Variants in CASZ1 observed in about 807,000 individuals in gnomAD.
CASZ1 encodes the protein castor zinc finger 1, also known as zinc finger protein castor homolog 1.
In CASZ1, 28 loss-of-function variants were observed where a neutral mutation model predicts 135.2. The observed-to-expected ratio is 0.21, with a 90% CI of 0.15 to 0.28. The LOEUF is 0.28. Ranked by LOEUF, CASZ1 falls within the 10% of genes least tolerant of loss-of-function variation. The pLI is 1.00. For synonymous variants in CASZ1, 1,068 were observed against 1,073.4 expected, an observed-to-expected ratio of 0.99 and a Z score of 0.10; for missense variants, 2,161 against 2,453.3, an observed-to-expected ratio of 0.88 and a Z score of 2.52.
intron 2 of CASZ1, among the ~76,000 whole-genome samples, chr1:10,734,512 T>C (rs953358896): frequency 6.6e-6 from 1 of 152,114 alleles, no homozygotes; most frequent in African/African-American, 2.4e-5. Flanking sequence ...CTAGGGCATG[T>C]GGATTAGCTC....
At chr1:10,728,680 C>A (rs953537390) in intron 2 of CASZ1, among the ~76,000 whole-genome samples, 1 of 151,922 alleles carries the variant, frequency 6.6e-6, no homozygotes, top group African/African-American at 2.4e-5. Context: ...GCCATGGAGA[C>A]CCCGGCTTGA....
At chr1:10,736,210 G>A (rs1447044754) in intron 2 of CASZ1, among the ~76,000 whole-genome samples, 1 of 152,184 alleles carries the variant, frequency 6.6e-6, no homozygotes, top group Non-Finnish European at 1.5e-5. Context: ...TCACCAGAAT[G>A]CCCAACTGAT....
chr1:10,664,963 T>G, intron 5 of CASZ1, 120 bp downstream of exon 5: 1 of 1,179,066 alleles, frequency 8.5e-7, no homozygotes, highest in Non-Finnish European at 1.1e-6. Context: ...CTGGGTGGGA[T>G]GAGGGGCCGG....
chr1:10,637,879 A>C lies in CASZ1; in HGVS notation c.*1063T>G, dbSNP rs1463563575. ...TCACCAAGAGAGAACTCAAATGTTA[A>C]ATTAACTACAAACTTGGATCAACAG... On this transcript the variant is annotated 3_prime_UTR_variant, in exon 21 of 21. Transcript: ENST00000377022. The C allele has an allele frequency of 6.6e-6, 1 of 152,388 alleles. No homozygotes were observed. Among genetic ancestry groups the C allele is most frequent in the Non-Finnish European group, 1.5e-5 (1 of 68,030 alleles). The allele number at this position is 152,388 out of a possible 1,614,324, so 9.4% of individuals were successfully genotyped here.
rs973798177 is a variant in CASZ1, at chr1:10,706,452, C to A, written c.-76-908G>T. On this transcript the variant is annotated intron_variant, in intron 2 of 20. Transcript: ENST00000377022. This position sits in a 1 kb window ranked among gnomAD's most constrained non-coding sequence, Gnocchi z 4.3. ...CTGTCTGTTACGTTTTCTTCTCCCC[C>A]TCCCTCATTTGTGGCTTATCAATGA... 6.6e-6 allele frequency among the ~76,000 whole-genome samples: 1 copy of A among 152,190 alleles called. No homozygotes were observed. The highest frequency in any genetic ancestry group is 1.5e-5 in the Non-Finnish European group (1 of 68,026).
Position 10,675,887 on chromosome 1 carries a change from G to GGAGCTGGCCTGGCAGGCCGGTCCGGGCCA in CASZ1, c.17-10345_17-10317dup, listed in dbSNP as rs1189209728. Among the ~76,000 whole-genome samples the GGAGCTGGCCTGGCAGGCCGGTCCGGGCCA allele has an allele frequency of 3.3e-5, 5 of 151,446 alleles. 1 individual carries two copies. Among genetic ancestry groups the GGAGCTGGCCTGGCAGGCCGGTCCGGGCCA allele is most frequent in the Admixed American group, 2.6e-4 (4 of 15,226 alleles). ...AGTCCTCTTTCCCCAAGGTTTGCAG[G>GGAGCTGGCCTGGCAGGCCGGTCCGGGCCA]GAGCTGGCCTGGCAGGCCGGTCCGG... On this transcript the variant is annotated intron_variant, in intron 4 of 20. Coordinates refer to ENST00000377022, the MANE Select transcript of CASZ1 (RefSeq NM_001079843.3).
chr1:10,670,535 A>G (rs960255260), intron 4 of CASZ1, among the ~76,000 whole-genome samples: 3 of 151,838 alleles, frequency 2.0e-5, no homozygotes, highest in African/African-American at 7.3e-5. Context: ...CCTTTCAACA[A>G]CCTCTCTCTT....
At chr1:10,698,388 G>A (rs935082957) in intron 3 of CASZ1, among the ~76,000 whole-genome samples, 3 of 152,070 alleles carry the variant, frequency 2.0e-5, no homozygotes, top group Admixed American at 6.5e-5. Flanking sequence ...CATAAATACC[G>A]ATGCCAGGGG....
chr1:10,665,391 C>T lies in CASZ1; in HGVS notation c.197G>A (p.Arg66His), dbSNP rs200517916. 7.5e-5 allele frequency: 121 copies of T among 1,612,642 alleles called. No individual in the cohort carries two copies. In the African/African-American group the frequency reaches 1.1e-3, roughly 15 times the overall value. The change falls in exon 5 of 21, where the codon CGC becomes CAC. Residue 66 changes from arginine to histidine, a missense_variant. This residue lies in a region of CASZ1 where 590 missense variants were observed against 609.8 expected (regional missense o/e 0.97). Transcript: ENST00000377022. ...GSPSQPRDQE[R>H]SGPESGAARA... ...GGCTGCCCCAGACTCAGGGCCACTG[C>T]GCTCTTGGTCCCGGGGCTGCGATGG...
At chr1:10,710,475 C>G (rs140049586) in intron 2 of CASZ1, among the ~76,000 whole-genome samples, 30 of 152,286 alleles carry the variant, frequency 2.0e-4, no homozygotes, top group African/African-American at 7.2e-4. Context: ...AGGAAGGGTC[C>G]AAGTTGGTGG....
Position 10,643,174 on chromosome 1 carries a change from C to T in CASZ1, c.4006G>A (p.Val1336Met), listed in dbSNP as rs201463465. 33 of 1,611,406 alleles carry T rather than the reference C, an allele frequency of 2.0e-5. No individual in the cohort carries two copies. In the Middle Eastern group the frequency reaches 8.2e-4, roughly 40 times the overall value. ...RRMLGKNFDR[V>M]PPSQGPPGLM... ...GGGGCTCTCACCTGGGAGGGGGGCA[C>T]GCGGTCGAAGTTCTTCCCCAGCATC... is the stretch of plus-strand genomic sequence containing the variant. The change falls in exon 19 of 21, where the codon GTG becomes ATG. Residue 1336 changes from valine (V) to methionine (M), a missense_variant. Physicochemically the swap from Val to Met is conservative, Grantham distance 21. This residue lies in a region of CASZ1 where 349 missense variants were observed against 460.8 expected (regional missense o/e 0.76). Coordinates refer to ENST00000377022, the MANE Select transcript of CASZ1 (RefSeq NM_001079843.3).
chr1:10,682,588 G>A (rs912588665), intron 4 of CASZ1, among the ~76,000 whole-genome samples: 3 of 152,188 alleles, frequency 2.0e-5, no homozygotes, highest in South Asian at 2.1e-4. Context: ...TGGCTTTGCC[G>A]GGACTGAGAA....
chr1:10,744,875 C>T (rs544194382), intron 2 of CASZ1, among the ~76,000 whole-genome samples: 4 of 152,290 alleles, frequency 2.6e-5, no homozygotes, highest in Admixed American at 1.3e-4. Flanking sequence ...ACAGGCACCC[C>T]GGTACACGGT....
intron 1 of CASZ1, among the ~76,000 whole-genome samples, chr1:10,772,703 A>G (rs1382393535): frequency 5.3e-5 from 8 of 152,124 alleles, no homozygotes; most frequent in African/African-American, 1.9e-4. Flanking sequence ...GCTCCTCCCT[A>G]AAGCTGTCAT....
rs141103488 is a variant in CASZ1 at position 10,756,018 on chromosome 1, A to C, written c.-77+4683T>G. ...AAGCAGAAAAACCTCCCACGCGTGCACAGATGCACACGCCTCCCACCCGGA... is the reference window on the plus strand; with the variant it reads ...AAGCAGAAAAACCTCCCACGCGTGCCCAGATGCACACGCCTCCCACCCGGA... On this transcript the variant is annotated intron_variant, in intron 2 of 20. Transcript: ENST00000377022. The surrounding 1 kb of genome is among the most constrained non-coding windows in gnomAD (Gnocchi z 5.9). Among the ~76,000 whole-genome samples, 1,136 of 152,156 alleles carry C rather than the reference A, an allele frequency of 7.5e-3. 14 individuals are homozygous for C. The highest frequency in any genetic ancestry group is 0.024 in the African/African-American group (1,007 of 41,522).
At chr1:10,660,906 C>G (rs1346340338) in intron 5 of CASZ1, 1 of 253,762 alleles carries the variant, frequency 3.9e-6, no homozygotes, top group African/African-American at 2.3e-5. Context: ...AGATCCCAAC[C>G]TGCCTCCCAG....
chr1:10,787,899 G>T (rs994451994), intron 1 of CASZ1, among the ~76,000 whole-genome samples: 1 of 152,036 alleles, frequency 6.6e-6, no homozygotes, highest in Admixed American at 6.6e-5. Flanking sequence ...CCCTTTAAAA[G>T]CTCCCCAGAA....
In CASZ1 at chr1:10,694,311, C is replaced by T. The variant is rs1236437379; in HGVS notation, c.-23-399G>A. The T allele has an allele frequency of 2.6e-6, 3 of 1,156,528 alleles. No homozygotes were observed. The highest frequency in any genetic ancestry group is 9.8e-5 in the East Asian group (1 of 10,170). 71.6% of individuals were successfully genotyped at this position (1,156,528 alleles called of 1,614,324 possible). A position where few individuals can be genotyped will look rare whatever the true frequency, so the allele number is the denominator to read the frequency against. ...CCGGTACTCACCATAGTCGGAGAGT[C>T]GAAAGCCGAATTCACTTAAATAATC... On this transcript the variant is annotated intron_variant, in intron 3 of 20. Transcript: ENST00000377022. The surrounding 1 kb of genome is among the most constrained non-coding windows in gnomAD (Gnocchi z 6.6).
chr1:10,791,873 G>A (rs867087139), intron 1 of CASZ1, among the ~76,000 whole-genome samples: 2 of 151,992 alleles, frequency 1.3e-5, no homozygotes, highest in African/African-American at 2.4e-5. Flanking sequence ...AAACCTGCCC[G>A]GTCGCCATGG....
Sources: gnomAD v4.1 joint callset for allele counts (sites outside exome capture counted in the v4.1 genomes callset) on GRCh38, gnomAD v4.1.1 for gene constraint, gnomAD v4.1.1 regional missense constraint, Gnocchi (gnomAD v3.1) non-coding constraint, MANE v1.5 for transcripts, NCBI Gene and HGNC (gene_info 2026-07-23, HGNC 2026-07-21) for gene names.